LTBP1: variants seen among roughly 807,000 people sequenced by gnomAD.
LTBP1 encodes latent transforming growth factor beta binding protein 1, also known as latent-transforming growth factor beta-binding protein 1.
LTBP1 carries 129 observed loss-of-function variants against 207.6 expected under a neutral mutation model. The observed-to-expected ratio is 0.62, with a 90% CI of 0.54 to 0.72. The LOEUF (loss-of-function observed/expected upper bound fraction) is 0.72. LTBP1 is among the 30% of genes least tolerant of loss of function. LTBP1 has a pLI of 0.00. For synonymous variants in LTBP1, 963 were observed against 833.7 expected, an observed-to-expected ratio of 1.16 and a Z score of -2.67; for missense variants, 2,281 against 2,217.2, an observed-to-expected ratio of 1.03 and a Z score of -0.58.
chr2:33,313,449 C>T (rs910642035), intron 23 of LTBP1, among the ~76,000 whole-genome samples: 1 of 151,942 alleles, frequency 6.6e-6, no homozygotes, highest in African/African-American at 2.4e-5. Flanking sequence ...TTATTGAGGA[C>T]CACTGGGTCA....
intron 7 of LTBP1, among the ~76,000 whole-genome samples, chr2:33,206,914 G>T (rs986157491): frequency 1.3e-5 from 2 of 151,850 alleles, no homozygotes; most frequent in African/African-American, 4.8e-5. Flanking sequence ...AAATAAATTC[G>T]ATCTACTCAC....
At chr2:33,209,019 C>T (rs2090096813) in intron 7 of LTBP1, among the ~76,000 whole-genome samples, 1 of 152,020 alleles carries the variant, frequency 6.6e-6, no homozygotes, top group Non-Finnish European at 1.5e-5. Flanking sequence ...AGGCGCCCGC[C>T]ACCAAGCTTG....
chr2:33,071,859 C>T (rs902852517), intron 3 of LTBP1, among the ~76,000 whole-genome samples: 1 of 152,186 alleles, frequency 6.6e-6, no homozygotes, highest in African/African-American at 2.4e-5. Flanking sequence ...GTGCTTCCCC[C>T]ACTATACTCT....
chr2:33,133,551 A>G (rs1314572008), intron 4 of LTBP1, among the ~76,000 whole-genome samples: 4 of 152,170 alleles, frequency 2.6e-5, no homozygotes, highest in Admixed American at 2.0e-4. Context: ...GTGTCTTGCA[A>G]TTTGCCAGAG....
intron 2 of LTBP1, among the ~76,000 whole-genome samples, chr2:33,019,444 T>C (rs2075039232): frequency 6.7e-6 from 1 of 149,990 alleles, no homozygotes; most frequent in Non-Finnish European, 1.5e-5. Flanking sequence ...CAAGTGATTC[T>C]CCTACCTCAG....
chr2:33,283,106 T>G (rs1344900938), intron 19 of LTBP1, among the ~76,000 whole-genome samples: 1 of 150,254 alleles, frequency 6.7e-6, no homozygotes, highest in Non-Finnish European at 1.5e-5. Flanking sequence ...TAAAATAAAG[T>G]TTTTCTCCCT....
chr2:33,271,658 A>G (rs1295446238), intron 15 of LTBP1, among the ~76,000 whole-genome samples: 2 of 152,230 alleles, frequency 1.3e-5, no homozygotes, highest in African/African-American at 4.8e-5. Flanking sequence ...TACCAAAAAA[A>G]ATGAAGAAAA....
chr2:33,181,116 C>G (rs72855746), intron 5 of LTBP1, among the ~76,000 whole-genome samples: 5 of 152,074 alleles, frequency 3.3e-5, no homozygotes, highest in Non-Finnish European at 5.9e-5. Context: ...AGCCAGGGAG[C>G]GGGTGGAGTG....
chr2:33,123,486 C>G (rs2081265839), intron 4 of LTBP1, among the ~76,000 whole-genome samples: 1 of 151,948 alleles, frequency 6.6e-6, no homozygotes, highest in African/African-American at 2.4e-5. Context: ...ACATGGAAAT[C>G]TAGCAAAATT....
intron 5 of LTBP1, among the ~76,000 whole-genome samples, chr2:33,179,677 C>A (rs188934513): frequency 2.1e-5 from 3 of 139,740 alleles, no homozygotes; most frequent in Non-Finnish European, 4.4e-5. Flanking sequence ...TAGAATCTGG[C>A]TAATGGGTTA....
chr2:33,004,812 TATAA>T (rs1327765591), intron 2 of LTBP1, among the ~76,000 whole-genome samples: 7 of 139,284 alleles, frequency 5.0e-5, no homozygotes, highest in African/African-American at 1.5e-4. Context: ...TATATATATA[TATAA>T]ACATAAAATT....
intron 2 of LTBP1, among the ~76,000 whole-genome samples, chr2:32,995,194 A>C (rs1239246782): frequency 6.6e-6 from 1 of 151,652 alleles, no homozygotes; most frequent in African/African-American, 2.4e-5. Context: ...AAAAAAAAAA[A>C]CCGCTCTTCA....
rs188683916 is a variant in LTBP1, at chr2:33,172,756, A to G, written c.1202-14100A>G. Among the ~76,000 whole-genome samples, 576 of 152,352 alleles carry G rather than the reference A, an allele frequency of 3.8e-3. 3 individuals carry two copies. Among genetic ancestry groups the G allele is most frequent in the African/African-American group, 0.013 (543 of 41,572 alleles). The stretch of plus-strand genomic sequence containing the variant: ...CAAAATTGACCACATAGTTGGAAGT[A>G]AAGCTCTCCTCAGCAAATGTAAAAG... On this transcript the variant is annotated intron_variant, in intron 5 of 33. Coordinates refer to ENST00000404816, the MANE Select transcript of LTBP1 (RefSeq NM_206943.4).
chr2:33,020,767 T>C (rs1460184434), intron 2 of LTBP1, 142 bp from the exon 3 acceptor site: 8 of 736,792 alleles, frequency 1.1e-5, no homozygotes, highest in Non-Finnish European at 1.7e-5. Context: ...TCCGCCCAAC[T>C]GCCCCACCTT....
chr2:33,235,845 T>C (rs1307904218), intron 9 of LTBP1, among the ~76,000 whole-genome samples: 1 of 151,558 alleles, frequency 6.6e-6, no homozygotes, highest in Non-Finnish European at 1.5e-5. Context: ...TAAGTGGGAG[T>C]TGAACAGTGA....
At chr2:33,119,765 A>G (rs2080995532) in intron 4 of LTBP1, among the ~76,000 whole-genome samples, 1 of 151,976 alleles carries the variant, frequency 6.6e-6, no homozygotes, top group African/African-American at 2.4e-5. Flanking sequence ...TCACCATATT[A>G]GCCAGGATGG....
At chr2:33,296,196 C>T (rs1019337860) in intron 20 of LTBP1, among the ~76,000 whole-genome samples, 1 of 152,140 alleles carries the variant, frequency 6.6e-6, no homozygotes, top group Non-Finnish European at 1.5e-5. Context: ...TTTTCATATC[C>T]TGCCATTTTA....
rs143882521 is a variant in LTBP1 at position 33,390,881 on chromosome 2, G to T, written c.4834+1575G>T. Among the ~76,000 whole-genome samples the T allele has an allele frequency of 8.7e-3, 1,323 of 152,196 alleles. 21 individuals carry two copies. Among genetic ancestry groups the T allele is most frequent in the African/African-American group, 0.03 (1,257 of 41,542 alleles). On this transcript the variant is annotated intron_variant, in intron 32 of 33. Transcript: ENST00000404816. ...GCAGTGAAGCTTTTTTCTGTCCTGGGCCCTGTCACCTGTGCACGAAGCGTC... is the reference window on the plus strand; with the variant it reads ...GCAGTGAAGCTTTTTTCTGTCCTGGTCCCTGTCACCTGTGCACGAAGCGTC...
intron 5 of LTBP1, among the ~76,000 whole-genome samples, chr2:33,138,959 C>T (rs957175038): frequency 1.4e-5 from 2 of 145,810 alleles, no homozygotes; most frequent in African/African-American, 5.0e-5. Context: ...CCCGGGTTCA[C>T]GCCATTCTCC....
Sources: allele counts gnomAD v4.1 joint callset (sites outside exome capture counted in the v4.1 genomes callset), GRCh38; gene constraint gnomAD v4.1.1; transcripts MANE v1.5; gene names NCBI Gene and HGNC (gene_info 2026-07-23, HGNC 2026-07-21).